AKAP13: variants seen among roughly 807,000 people sequenced by gnomAD.
AKAP13 encodes A-kinase anchoring protein 13.
A neutral mutation model predicts 264.5 loss-of-function variants in AKAP13; 80 were observed. The observed-to-expected ratio is 0.30, with a 90% CI of 0.25 to 0.36. AKAP13 has a LOEUF of 0.36. Among genes scored for constraint, AKAP13 ranks in the 10% least tolerant of loss-of-function variants. AKAP13 has a pLI of 1.00. For missense variants in AKAP13, 3,712 were observed against 3,435.2 expected (o/e 1.08, Z -2.01); for synonymous variants, 1,380 against 1,250.2 (o/e 1.10, Z -2.19).
chr15:85,387,917 A>G (rs966408843), intron 1 of AKAP13, among the ~76,000 whole-genome samples: 1 of 151,556 alleles, frequency 6.6e-6, no homozygotes, highest in Admixed American at 6.6e-5. Context: ...CCCTTGCTAA[A>G]CTCATTTTTA....
At chr15:85,615,798 G>A (rs553353212) in intron 8 of AKAP13, among the ~76,000 whole-genome samples, 1 of 152,294 alleles carries the variant, frequency 6.6e-6, no homozygotes, top group South Asian at 2.1e-4. Flanking sequence ...TATATGGCAT[G>A]TGATAACTTC....
At chr15:85,547,966 C>G (rs2151224238) in intron 5 of AKAP13, among the ~76,000 whole-genome samples, 2 of 152,188 alleles carry the variant, frequency 1.3e-5, no homozygotes, top group Middle Eastern at 6.8e-3. Context: ...GGTAAAGACC[C>G]CAGTTTGCAG....
intron 5 of AKAP13, among the ~76,000 whole-genome samples, chr15:85,572,070 A>G (rs943517100): frequency 6.6e-6 from 1 of 152,202 alleles, no homozygotes; most frequent in Non-Finnish European, 1.5e-5. Flanking sequence ...TAGAAATGGA[A>G]CAGTTTGAGA....
At chr15:85,417,436 C>T (rs551015015) in intron 1 of AKAP13, among the ~76,000 whole-genome samples, 1 of 152,154 alleles carries the variant, frequency 6.6e-6, no homozygotes, top group African/African-American at 2.4e-5. Context: ...AGAAAATATT[C>T]GTTTATGTAA....
At chr15:85,592,810 C>G (rs1304540585) in intron 8 of AKAP13, among the ~76,000 whole-genome samples, 1 of 151,950 alleles carries the variant, frequency 6.6e-6, no homozygotes, top group East Asian at 1.9e-4. Flanking sequence ...TCAGAGAACC[C>G]CAGACCATAA....
intron 8 of AKAP13, among the ~76,000 whole-genome samples, chr15:85,623,849 A>G (rs1203334568): frequency 6.6e-6 from 1 of 152,264 alleles, no homozygotes; most frequent in Non-Finnish European, 1.5e-5. Flanking sequence ...GTTGGTAACT[A>G]TGAATCATAT....
In AKAP13 at chr15:85,730,550, G is replaced by A; in HGVS notation, c.7125G>A (p.Leu2375=). The change falls in exon 30 of 37, where the codon TTG becomes TTA. Residue 2375 remains leucine (L), a synonymous_variant. Transcript: ENST00000394518. ...AGAAGGACCAAAAAATCCTACTCTT[G>A]TTGGAAGAGAAGGAGATGATTTTCC... The part of the protein sequence containing the change: ...LHQKDQKILL[L]LEEKEMIFRD... 6.2e-7 allele frequency: 1 copy of A among 1,614,134 alleles called. No individual in the cohort carries two copies. The highest frequency in any genetic ancestry group is 8.5e-7 in the Non-Finnish European group (1 of 1,180,022).
rs541164920 is a variant in AKAP13, at chr15:85,443,390, T to C, written c.-11-42320T>C. Among the ~76,000 whole-genome samples the C allele has an allele frequency of 4.6e-5, 7 of 152,332 alleles. No homozygotes were observed. In the South Asian group the frequency reaches 1.4e-3, roughly 32 times the overall value. ...TGATTTCATCATCAATTTTACTTTC[T>C]TAAGTATTAACTAATTACTAGCTGT... On this transcript the variant is annotated intron_variant, in intron 1 of 36. Transcript: ENST00000394518.
At chr15:85,639,279 A>T (rs2082200080) in intron 8 of AKAP13, 95 bp from the exon 9 acceptor site, 5 of 884,390 alleles carry the variant, frequency 5.7e-6, no homozygotes, top group South Asian at 2.9e-5. Flanking sequence ...AAAGAAAAAG[A>T]TAGGAATGTT....
chr15:85,669,896 C>A, intron 14 of AKAP13, 66 bp downstream of exon 14: 1 of 1,284,088 alleles, frequency 7.8e-7, no homozygotes, highest in Non-Finnish European at 1.1e-6. Context: ...TATTATTTTT[C>A]TCACTTTAAG....
At chr15:85,649,339 C>G (rs1289550427) in intron 10 of AKAP13, among the ~76,000 whole-genome samples, 2 of 152,200 alleles carry the variant, frequency 1.3e-5, no homozygotes, top group Non-Finnish European at 2.9e-5. Context: ...CAAACCTGCT[C>G]TAATAGCCAG....
chr15:85,478,095 C>T lies in AKAP13; in HGVS notation c.-11-7615C>T, dbSNP rs181113760. Among the ~76,000 whole-genome samples the T allele has an allele frequency of 1.8e-3, 270 of 152,280 alleles. 1 individual carries two copies. Among genetic ancestry groups the T allele is most frequent in the Admixed American group, 4.4e-3 (68 of 15,300 alleles). On this transcript the variant is annotated intron_variant, in intron 1 of 36. Transcript: ENST00000394518. ...TATTGCTCCTTCCTGATCCTTGTAACATTTTTATTATTGTGCTCATCATAC... is the reference window on the plus strand; with the variant it reads ...TATTGCTCCTTCCTGATCCTTGTAATATTTTTATTATTGTGCTCATCATAC...
chr15:85,451,221 C>G (rs1163597671), intron 1 of AKAP13, among the ~76,000 whole-genome samples: 1 of 152,022 alleles, frequency 6.6e-6, no homozygotes, highest in Non-Finnish European at 1.5e-5. Context: ...TTCCCATTTG[C>G]TTGGTAGATT....
At position 85,726,855 on chromosome 15, in the gene AKAP13, T is replaced by C. The variant is rs931547437; in HGVS notation, c.6823-211T>C. 2.5e-5 allele frequency: 15 copies of C among 600,354 alleles called. No homozygotes were observed. In the Admixed American group the frequency reaches 3.0e-4, roughly 12 times the overall value. The allele number at this position is 600,354 out of a possible 1,614,324, so 37.2% of individuals were successfully genotyped here. On this transcript the variant is annotated intron_variant, in intron 27 of 36. Transcript: ENST00000394518. ...GTGTGGAAAACATGACTGGAACCTT[T>C]AGAGCCATAAATTACTATTTCCCTT...
At chr15:85,643,156 G>T (rs2151482616) in intron 9 of AKAP13, among the ~76,000 whole-genome samples, 1 of 150,452 alleles carries the variant, frequency 6.6e-6, no homozygotes, top group Non-Finnish European at 1.5e-5. Context: ...TTAAATGAAA[G>T]ATTTTCAGAT....
intron 8 of AKAP13, among the ~76,000 whole-genome samples, chr15:85,605,679 T>C (rs1168828081): frequency 2.6e-5 from 4 of 152,150 alleles, no homozygotes; most frequent in Non-Finnish European, 5.9e-5. Flanking sequence ...TTATAAATAA[T>C]TGTGAACAAA....
intron 10 of AKAP13, among the ~76,000 whole-genome samples, chr15:85,650,790 A>AC (rs2082794910): frequency 1.7e-5 from 2 of 117,422 alleles, no homozygotes; most frequent in South Asian, 2.7e-4. Flanking sequence ...AAAAAAAAAA[A>AC]CAACAAAAAC....
intron 2 of AKAP13, among the ~76,000 whole-genome samples, chr15:85,512,689 TGC>T (rs1330088040): frequency 6.6e-6 from 1 of 152,198 alleles, no homozygotes; most frequent in Admixed American, 6.5e-5. Context: ...AAAGATACCT[TGC>T]AGTATTTGCA....
intron 5 of AKAP13, chr15:85,555,511 C>T (rs183270592): frequency 2.4e-6 from 3 of 1,235,178 alleles, no homozygotes; most frequent in East Asian, 5.6e-5. Context: ...AGCTTCCAGA[C>T]CAATGCTTTG....
Sources: gnomAD v4.1 joint callset for allele counts (sites outside exome capture counted in the v4.1 genomes callset) on GRCh38, gnomAD v4.1.1 for gene constraint, MANE v1.5 for transcripts, NCBI Gene and HGNC (gene_info 2026-07-23, HGNC 2026-07-21) for gene names.